Variants in GRXCR2 observed in about 807,000 individuals in gnomAD.
GRXCR2 encodes the protein glutaredoxin domain-containing cysteine-rich protein 2.
Under a neutral mutation model 24.8 loss-of-function variants are expected in GRXCR2, and 23 were observed. That is an observed-to-expected ratio of 0.93 (90% CI 0.67 to 1.32). The LOEUF is 1.32. GRXCR2 is among the 40% of genes most tolerant of loss of function. The probability of loss-of-function intolerance (pLI) is 0.00; values close to 1 mark genes in which losing one functional copy is unlikely to be tolerated. For missense variants in GRXCR2, 315 were observed against 303.4 expected, an observed-to-expected ratio of 1.04 and a Z score of -0.28; for synonymous variants, 130 against 116.1, an observed-to-expected ratio of 1.12 and a Z score of -0.77.
At chr5:145,919,664 T>C (rs576759857) in intron 2 of GRXCR2, among the ~76,000 whole-genome samples, 1 of 152,170 alleles carries the variant, frequency 6.6e-6, no homozygotes, top group Non-Finnish European at 1.5e-5. Flanking sequence ...TAATTCAGAC[T>C]GATCATTAGG....
intron 2 of GRXCR2, among the ~76,000 whole-genome samples, chr5:145,906,557 T>C (rs969895368): frequency 6.6e-6 from 1 of 152,190 alleles, no homozygotes; most frequent in East Asian, 1.9e-4. Flanking sequence ...TTTCCCTGAA[T>C]TTCCAACAGC....
At chr5:145,912,862 C>T (rs1251553276) in intron 2 of GRXCR2, among the ~76,000 whole-genome samples, 1 of 152,050 alleles carries the variant, frequency 6.6e-6, no homozygotes, top group Non-Finnish European at 1.5e-5. Flanking sequence ...GAAGTAGGGC[C>T]AGCTCATGCG....
At chr5:145,892,846 T>G (rs1428152691) in intron 2 of GRXCR2, among the ~76,000 whole-genome samples, 4 of 152,088 alleles carry the variant, frequency 2.6e-5, no homozygotes, top group Admixed American at 6.6e-5. Flanking sequence ...TCACCGAAGT[T>G]AAAATGAAGG....
At chr5:145,865,081 C>G (rs577105503) in intron 2 of GRXCR2, among the ~76,000 whole-genome samples, 1 of 152,160 alleles carries the variant, frequency 6.6e-6, no homozygotes, top group African/African-American at 2.4e-5. Context: ...TGTCTAAGGC[C>G]ATTACTCAAA....
In GRXCR2 at chr5:145,885,234, G is replaced by C. The variant is rs371688069; in HGVS notation, c.-69-18506C>G. Among the ~76,000 whole-genome samples the C allele has an allele frequency of 5.6e-4, 86 of 152,258 alleles. 3 individuals are homozygous for C. The South Asian group carries it at 0.017, about 30-fold the overall frequency. On this transcript the variant is annotated intron_variant, in intron 2 of 3. Coordinates refer to the GRXCR2 transcript ENST00000639411. ...ATTGATCATTTGTAGAGAGCTGTAAGAGTTCATAGGACTTTATTAAAATAT... is the reference window on the plus strand; with the variant it reads ...ATTGATCATTTGTAGAGAGCTGTAACAGTTCATAGGACTTTATTAAAATAT...
intron 2 of GRXCR2, among the ~76,000 whole-genome samples, chr5:145,890,442 C>A (rs1354886140): frequency 6.6e-6 from 1 of 152,106 alleles, no homozygotes; most frequent in Admixed American, 6.6e-5. Context: ...TATGTGAAGT[C>A]ACCAAATCTA....
chr5:145,915,783 A>G (rs1561690507), intron 2 of GRXCR2, among the ~76,000 whole-genome samples: 1 of 151,860 alleles, frequency 6.6e-6, no homozygotes, highest in Non-Finnish European at 1.5e-5. Flanking sequence ...TACACATTAG[A>G]AGGCTGTGTG....
At chr5:145,877,918 C>T (rs1476262592), upstream of GRXCR2, among the ~76,000 whole-genome samples, 3 of 152,214 alleles carry the variant, frequency 2.0e-5, no homozygotes, top group Non-Finnish European at 2.9e-5. Flanking sequence ...TGGAGTGGAC[C>T]TCCAGCAAAC....
upstream of GRXCR2, among the ~76,000 whole-genome samples, chr5:145,874,212 T>TA (rs1164645823): frequency 9.3e-5 from 14 of 150,834 alleles, 1 homozygote; most frequent in African/African-American, 3.4e-4. Flanking sequence ...TTATTTTATT[T>TA]TTTTTTTTTT....
intron 2 of GRXCR2, among the ~76,000 whole-genome samples, chr5:145,886,363 A>G (rs1272470640): frequency 6.6e-6 from 1 of 152,186 alleles, no homozygotes. Context: ...TCTTTGCATC[A>G]CAGGCCAAAC....
intron 2 of GRXCR2, among the ~76,000 whole-genome samples, chr5:145,897,436 T>C (rs553226705): frequency 6.6e-6 from 1 of 152,190 alleles, no homozygotes; most frequent in Non-Finnish European, 1.5e-5. Context: ...AAAGAAATTC[T>C]GGACTTAAGC....
chr5:145,882,556 CTT>C (rs535939099), intron 2 of GRXCR2, among the ~76,000 whole-genome samples: 2 of 152,060 alleles, frequency 1.3e-5, no homozygotes, highest in Non-Finnish European at 2.9e-5. Flanking sequence ...AATAGGAACA[CTT>C]TTTACACTGT....
intron 2 of GRXCR2, among the ~76,000 whole-genome samples, chr5:145,885,134 T>G (rs1171400390): frequency 6.6e-6 from 1 of 152,040 alleles, no homozygotes; most frequent in African/African-American, 2.4e-5. Context: ...TGTCTGTCTG[T>G]CTGTCTGTGT....
At chr5:145,917,314 G>T (rs1024024085) in intron 2 of GRXCR2, among the ~76,000 whole-genome samples, 1 of 151,954 alleles carries the variant, frequency 6.6e-6, no homozygotes, top group African/African-American at 2.4e-5. Flanking sequence ...CTGTGTTTTA[G>T]ACCCAAATAT....
At chr5:145,898,319 C>T (rs1249702618) in intron 2 of GRXCR2, among the ~76,000 whole-genome samples, 1 of 151,254 alleles carries the variant, frequency 6.6e-6, no homozygotes, top group African/African-American at 2.4e-5. Flanking sequence ...CCAAGAAAAG[C>T]CCTGGACCAG....
chr5:145,917,910 G>C (rs144517693), intron 2 of GRXCR2, among the ~76,000 whole-genome samples: 2,178 of 152,282 alleles, frequency 0.014, 56 homozygotes, highest in African/African-American at 0.05. Flanking sequence ...CTCCCAAGTA[G>C]CTGGGACTAC....
At chr5:145,892,314 T>C (rs1756878481) in intron 2 of GRXCR2, among the ~76,000 whole-genome samples, 1 of 152,100 alleles carries the variant, frequency 6.6e-6, no homozygotes, top group Non-Finnish European at 1.5e-5. Context: ...AGAAGAAGGC[T>C]TCAGATGATC....
chr5:145,915,007 A>T (rs1757217706), intron 2 of GRXCR2, among the ~76,000 whole-genome samples: 1 of 152,206 alleles, frequency 6.6e-6, no homozygotes. Context: ...AAAATCCTGG[A>T]TCTCTCTTCC....
intron 2 of GRXCR2, among the ~76,000 whole-genome samples, chr5:145,927,573 T>A (rs2149930605): frequency 6.6e-6 from 1 of 152,338 alleles, no homozygotes; most frequent in African/African-American, 2.4e-5. Flanking sequence ...ATCCCAGGGA[T>A]GAAGCCCGCT....
Sources: gnomAD v4.1 joint callset for allele counts (sites outside exome capture counted in the v4.1 genomes callset) on GRCh38, gnomAD v4.1.1 for gene constraint, MANE v1.5 for transcripts, NCBI Gene and HGNC (gene_info 2026-07-23, HGNC 2026-07-21) for gene names.